The following CCDC30 variants were observed in gnomAD, a reference collection of about 807,000 sequenced individuals.
CCDC30 encodes the protein coiled-coil domain-containing protein 30.
A neutral mutation model predicts 100.2 loss-of-function variants in CCDC30; 70 were observed. The ratio of observed to expected loss-of-function variants is 0.70; its 90% CI spans 0.58 to 0.85. The LOEUF is 0.85. CCDC30 is among the 40% of genes least tolerant of loss of function. The pLI is 0.00. For synonymous variants in CCDC30, 233 were observed against 269.5 expected (o/e 0.86, Z 1.33); for missense variants, 652 against 771.2 (o/e 0.85, Z 1.83).
intron 6 of CCDC30, among the ~76,000 whole-genome samples, chr1:42,542,996 TA>T (rs1645046445): frequency 6.6e-6 from 1 of 152,210 alleles, no homozygotes; most frequent in South Asian, 2.1e-4. Flanking sequence ...CATTTTGGAA[TA>T]TTTTTTCCTG....
At chr1:42,512,045 C>T (rs1453853330) in intron 6 of CCDC30, among the ~76,000 whole-genome samples, 1 of 152,206 alleles carries the variant, frequency 6.6e-6, no homozygotes, top group Non-Finnish European at 1.5e-5. Context: ...TAAAAGTATT[C>T]CTTACGGGAA....
chr1:42,562,684 G>A (rs1047167296), intron 6 of CCDC30, among the ~76,000 whole-genome samples: 1 of 152,086 alleles, frequency 6.6e-6, no homozygotes, highest in African/African-American at 2.4e-5. Flanking sequence ...TAGAGAATGG[G>A]GGAAAAATTT....
chr1:42,476,362 G>A (rs1022826053), intron 1 of CCDC30, among the ~76,000 whole-genome samples: 1 of 152,114 alleles, frequency 6.6e-6, no homozygotes, highest in East Asian at 1.9e-4. Flanking sequence ...GTACTTCAAA[G>A]CTGCAAAGGA....
At chr1:42,473,549 G>A in intron 1 of CCDC30, 1 of 353,628 alleles carries the variant, frequency 2.8e-6, no homozygotes, top group Non-Finnish European at 5.1e-6. Flanking sequence ...GCTCCAGGTA[G>A]CTTTCATTAT....
chr1:42,456,964 G>A, the CCDC30 span: 6 of 1,604,092 alleles, frequency 3.7e-6, no homozygotes, highest in Non-Finnish European at 5.1e-6. Flanking sequence ...AGGCTCTGAG[G>A]AGCTACCAGG....
At chr1:42,575,485 T>C (rs967798310) in intron 7 of CCDC30, among the ~76,000 whole-genome samples, 1 of 151,522 alleles carries the variant, frequency 6.6e-6, no homozygotes, top group Non-Finnish European at 1.5e-5. Context: ...CTGTCTCTAC[T>C]AAAAGTACAA....
At chr1:42,499,486 T>A (rs1028091124) in intron 6 of CCDC30, among the ~76,000 whole-genome samples, 5 of 151,678 alleles carry the variant, frequency 3.3e-5, no homozygotes, top group African/African-American at 7.2e-5. Context: ...ATTATTATAT[T>A]TTTTTTAGAG....
chr1:42,531,405 T>G (rs887493004), intron 6 of CCDC30, among the ~76,000 whole-genome samples: 4 of 152,322 alleles, frequency 2.6e-5, no homozygotes, highest in Admixed American at 2.0e-4. Flanking sequence ...GCATAGATGG[T>G]GTACTGGTTA....
chr1:42,634,407 T>C (rs1159642170), intron 11 of CCDC30, among the ~76,000 whole-genome samples: 1 of 152,176 alleles, frequency 6.6e-6, no homozygotes, highest in African/African-American at 2.4e-5. Context: ...CATTCTACAG[T>C]GCACATTATA....
intron 9 of CCDC30, among the ~76,000 whole-genome samples, chr1:42,588,593 A>T (rs1388319158): frequency 2.6e-5 from 4 of 152,200 alleles, no homozygotes; most frequent in Admixed American, 1.3e-4. Context: ...GAATGAGTTT[A>T]AGAGATAGCC....
chr1:42,571,803 C>T lies in CCDC30; in HGVS notation c.637-5217C>T, dbSNP rs111464004. Among the ~76,000 whole-genome samples the T allele has an allele frequency of 6.3e-3, 957 of 152,172 alleles. 6 individuals carry two copies. Among genetic ancestry groups the T allele is most frequent in the African/African-American group, 0.021 (890 of 41,524 alleles). The stretch of plus-strand genomic sequence containing the variant: ...GGCATTTCTGGTCTTCAAAAATTAA[C>T]GAAAAATGAGGAAATGAGGTTTCAT... On this transcript the variant is annotated intron_variant, in intron 7 of 16. Transcript: ENST00000668663.
At chr1:42,606,853 A>G (rs1646512018) in intron 10 of CCDC30, among the ~76,000 whole-genome samples, 1 of 152,240 alleles carries the variant, frequency 6.6e-6, no homozygotes, top group Non-Finnish European at 1.5e-5. Flanking sequence ...CAACATTTCA[A>G]GATAAATGAA....
rs1394207048 is a variant in CCDC30, at chr1:42,644,679, T to C, written c.1557-14T>C. ...GAAATCTCTAATCATGCCACTGATTTATGCCATTCTTAGGGTACTTTACAT... is the reference window on the plus strand; with the variant it reads ...GAAATCTCTAATCATGCCACTGATTCATGCCATTCTTAGGGTACTTTACAT... On this transcript the variant is annotated splice_polypyrimidine_tract_variant and intron_variant, in intron 13 of 16. Transcript: ENST00000668663. The C allele has an allele frequency of 6.9e-7, 1 of 1,455,710 alleles. No homozygotes were observed. The highest frequency in any genetic ancestry group is 9.6e-7 in the Non-Finnish European group (1 of 1,037,364). 90.2% of individuals were successfully genotyped at this position (1,455,710 alleles called of 1,614,324 possible).
chr1:42,567,096 A>AG (rs1318801543), intron 7 of CCDC30, among the ~76,000 whole-genome samples: 1 of 152,224 alleles, frequency 6.6e-6, no homozygotes, highest in African/African-American at 2.4e-5. Flanking sequence ...TGAAGGTTCT[A>AG]AAATTCAACA....
intron 6 of CCDC30, among the ~76,000 whole-genome samples, chr1:42,512,452 G>C (rs1045094649): frequency 1.3e-5 from 2 of 152,086 alleles, no homozygotes; most frequent in African/African-American, 2.4e-5. Flanking sequence ...GTGGCGGGTG[G>C]GGGGAGACCC....
At chr1:42,543,640 C>G (rs181949227) in intron 6 of CCDC30, among the ~76,000 whole-genome samples, 22 of 152,294 alleles carry the variant, frequency 1.4e-4, no homozygotes, top group Non-Finnish European at 7.4e-5. Flanking sequence ...ACTCTATACT[C>G]AGTTCTATGT....
intron 6 of CCDC30, among the ~76,000 whole-genome samples, chr1:42,515,720 C>T (rs1644545249): frequency 6.6e-6 from 1 of 152,216 alleles, no homozygotes; most frequent in South Asian, 2.1e-4. Context: ...ATACTCCCTG[C>T]ATCCAGCCTC....
intron 1 of CCDC30, among the ~76,000 whole-genome samples, chr1:42,478,085 G>C (rs1319472690): frequency 6.6e-6 from 1 of 152,152 alleles, no homozygotes; most frequent in Non-Finnish European, 1.5e-5. Context: ...TATGCTAAAA[G>C]CATACAAATA....
chr1:42,618,922 T>TA lies in CCDC30; in HGVS notation c.1277+7833dup, dbSNP rs776675362. Among the ~76,000 whole-genome samples the TA allele has an allele frequency of 8.7e-4, 132 of 152,202 alleles. 1 individual carries two copies. The highest frequency in any genetic ancestry group is 2.4e-3 in the Admixed American group (36 of 15,284). On this transcript the variant is annotated intron_variant, in intron 11 of 16. Coordinates refer to ENST00000668663, the Ensembl canonical transcript of CCDC30. ...CATATTCTGTTGGCCAGAACTTACT[T>TA]ACATGGCCTCATTTAACTGCAATAA...
Sources: allele counts gnomAD v4.1 joint callset (sites outside exome capture counted in the v4.1 genomes callset), GRCh38; gene constraint gnomAD v4.1.1; transcripts MANE v1.5; gene names NCBI Gene and HGNC (gene_info 2026-07-23, HGNC 2026-07-21).